Variants in ITGA5 observed in about 807,000 individuals in gnomAD.
ITGA5 encodes integrin alpha-5.
A neutral mutation model predicts 146.3 loss-of-function variants in ITGA5; 55 were observed. That is an observed-to-expected ratio of 0.38 (90% confidence interval 0.30 to 0.47). The LOEUF is 0.47. ITGA5 is among the 20% of genes least tolerant of loss of function. The pLI, the probability that ITGA5 is intolerant of heterozygous loss-of-function variation, is 0.99. For missense variants in ITGA5, 1,131 were observed against 1,329.0 expected, an observed-to-expected ratio of 0.85 and a Z score of 2.32; for synonymous variants, 500 against 531.8, an observed-to-expected ratio of 0.94 and a Z score of 0.82.
Position 54,408,741 on chromosome 12 carries a change from A to C in ITGA5, c.691+15T>G, listed in dbSNP as rs373735659. The C allele has an allele frequency of 5.0e-5, 77 of 1,546,564 alleles. 1 individual carries two copies. The highest frequency in any genetic ancestry group is 1.6e-5 in the Non-Finnish European group (18 of 1,122,538). On this transcript the variant is annotated intron_variant, in intron 6 of 29. Transcript: ENST00000293379. ...AAAAAAAAAAAAAAAAAAGAATGGC[A>C]GAGACAGGACTTACCTTGCCAGAAA...
intron 19 of ITGA5, 116 bp downstream of exon 19, chr12:54,402,867 A>G: frequency 1.3e-6 from 1 of 759,102 alleles, no homozygotes. Context: ...CAAAGGAGTT[A>G]AAGCTCAGAG....
intron 28 of ITGA5, 121 bp downstream of exon 28, chr12:54,398,476 C>A: frequency 1.5e-6 from 1 of 680,576 alleles, no homozygotes; most frequent in Non-Finnish European, 2.5e-6. Flanking sequence ...CAGTGCTTGG[C>A]ACATAGTACA....
chr12:54,403,291 T>C lies in ITGA5; in HGVS notation c.1810A>G (p.Ile604Val). 1.3e-6 allele frequency: 2 copies of C among 1,545,076 alleles called. No homozygotes were observed. The highest frequency in any genetic ancestry group is 8.7e-7 in the Non-Finnish European group (1 of 1,148,482). The stretch of plus-strand genomic sequence containing the variant: ...AAGGAGAAGTTGAGAGCGATGTGAA[T>C]CGGCGAGAGTTTGTCTCGAAATTCT... The part of the protein sequence containing the change: ...ESEFRDKLSP[I>V]HIALNFSLDP... Residue 604 changes from isoleucine to valine, a missense_variant, in exon 18 of 30, where the codon ATT becomes GTT. Around this residue, in one of 3 missense-constraint regions of ITGA5, gnomAD observed 889 missense variants for 1,021.5 expected, o/e 0.87. Transcript: ENST00000293379. This position sits in a 1 kb window ranked among gnomAD's most constrained non-coding sequence, Gnocchi z 4.9.
chr12:54,418,423 G>T (rs1290861920), intron 1 of ITGA5, among the ~76,000 whole-genome samples: 2 of 152,048 alleles, frequency 1.3e-5, no homozygotes, highest in East Asian at 1.9e-4. Flanking sequence ...TCCCCGGTCT[G>T]AGTTGAGGGG....
chr12:54,404,245 C>T lies in ITGA5; in HGVS notation c.1465G>A (p.Gly489Ser), dbSNP rs1363778532. 2.5e-6 allele frequency: 4 copies of T among 1,599,316 alleles called. No homozygotes were observed. Among genetic ancestry groups the T allele is most frequent in the Non-Finnish European group, 2.6e-6 (3 of 1,172,874 alleles). The change falls in exon 15 of 30, where the codon GGC (glycine) becomes AGC (serine). Residue 489 changes from glycine (G) to serine (S), a missense_variant and splice_region_variant. Physicochemically the swap from Gly to Ser is moderately conservative, Grantham distance 56 (BLOSUM62 0). Coordinates refer to ENST00000293379, the MANE Select transcript of ITGA5 (RefSeq NM_002205.5). ...GCACTAGCGGACACGATGGGGCGGCCCCTGCCAAGAGTGAATGTGGGGTCA... is the reference window on the plus strand; with the variant it reads ...GCACTAGCGGACACGATGGGGCGGCTCCTGCCAAGAGTGAATGTGGGGTCA... ...FGVDKAVVYR[G>S]RPIVSASASL...
At chr12:54,404,947 A>G in intron 12 of ITGA5, 53 bp from the exon 13 acceptor site, 2 of 1,414,880 alleles carry the variant, frequency 1.4e-6, no homozygotes, top group South Asian at 2.8e-5. Context: ...CATGGGCTCT[A>G]ATCTCTACTA....
rs115996636 is a variant in ITGA5 at position 54,401,143 on chromosome 12, C to T, written c.2494-148G>A. The T allele has an allele frequency of 7.3e-4, 650 of 895,716 alleles. 3 individuals are homozygous for T. The African/African-American group carries it at 0.01, about 14-fold the overall frequency. 55.5% of individuals were successfully genotyped at this position (895,716 alleles called of 1,614,324 possible). A position where few individuals can be genotyped will look rare whatever the true frequency, so the allele number is the denominator to read the frequency against. ...GGAAGCAATGGGCAGAGGTGAAATCCTCTCTAGCCAACACTTTTGGAGGGG... is the reference window on the plus strand; with the variant it reads ...GGAAGCAATGGGCAGAGGTGAAATCTTCTCTAGCCAACACTTTTGGAGGGG... On this transcript the variant is annotated intron_variant, in intron 24 of 29. Transcript: ENST00000293379. This position sits in a 1 kb window ranked among gnomAD's most constrained non-coding sequence, Gnocchi z 5.0.
At position 54,399,233 on chromosome 12, in the gene ITGA5, C is replaced by T. The variant is rs1028293769; in HGVS notation, c.2841+412G>A. 2.6e-5 allele frequency among the ~76,000 whole-genome samples: 4 copies of T among 152,130 alleles called. No individual in the cohort carries two copies. In the South Asian group the frequency reaches 6.2e-4, roughly 24 times the overall value. On this transcript the variant is annotated intron_variant, in intron 27 of 29. Coordinates refer to ENST00000293379, the MANE Select transcript of ITGA5 (RefSeq NM_002205.5). ...TTGATAATATATAATTAGATGACTACGTGTTCAATAAAAATTTTTTTAAAA... is the reference window on the plus strand; with the variant it reads ...TTGATAATATATAATTAGATGACTATGTGTTCAATAAAAATTTTTTTAAAA...
chr12:54,400,948 G>C lies in ITGA5; in HGVS notation c.2541C>G (p.Leu847=). 1 of 1,614,014 alleles carries C rather than the reference G, an allele frequency of 6.2e-7. No homozygotes were observed. Among genetic ancestry groups the C allele is most frequent in the Non-Finnish European group, 8.5e-7 (1 of 1,179,952 alleles). The change falls in exon 25 of 30, where the codon CTC becomes CTG. Residue 847 remains leucine, a synonymous_variant. Transcript: ENST00000293379. Reference sequence around the variant, plus strand: ...GACCTTCCAGAGCCTGGGGACAGCTGAGTTCCAGCACACCCTGGCTAATGG... The same window carrying C: ...GACCTTCCAGAGCCTGGGGACAGCTCAGTTCCAGCACACCCTGGCTAATGG... ...PSSISQGVLE[L]SCPQALEGQQ... is the part of the protein sequence containing the mutation.
At chr12:54,398,541 G>A (rs571123027) in intron 28 of ITGA5, 56 bp downstream of exon 28, 3 of 1,302,360 alleles carry the variant, frequency 2.3e-6, no homozygotes, top group African/African-American at 1.5e-5. Flanking sequence ...TCCCAGCCCT[G>A]TTCCAGCACT....
intron 19 of ITGA5, 74 bp from the exon 20 acceptor site, chr12:54,402,404 T>G: frequency 7.1e-7 from 1 of 1,412,460 alleles, no homozygotes; most frequent in Non-Finnish European, 9.7e-7. Flanking sequence ...ATTATAAGAG[T>G]AGTAATACGA....
At position 54,401,537 on chromosome 12, in the gene ITGA5, G is replaced by A. The variant is rs1165601655; in HGVS notation, c.2387+48C>T. On this transcript the variant is annotated intron_variant, in intron 23 of 29. Coordinates refer to ENST00000293379, the MANE Select transcript of ITGA5 (RefSeq NM_002205.5). This position sits in a 1 kb window ranked among gnomAD's most constrained non-coding sequence, Gnocchi z 5.0. Reference sequence around the variant, plus strand: ...GGAACCCCATATGCATCCTTCCCTAGAAGTCTGTGTCCCCTCTCAGAAAGA... The same window carrying A: ...GGAACCCCATATGCATCCTTCCCTAAAAGTCTGTGTCCCCTCTCAGAAAGA... 6.2e-7 allele frequency: 1 copy of A among 1,607,386 alleles called. No individual in the cohort carries two copies. The highest frequency in any genetic ancestry group is 8.5e-7 in the Non-Finnish European group (1 of 1,174,214).
In ITGA5 at chr12:54,396,389, A is replaced by C; in HGVS notation, c.3067-13T>G. 6.2e-7 allele frequency: 1 copy of C among 1,604,180 alleles called. No homozygotes were observed. Among genetic ancestry groups the C allele is most frequent in the Non-Finnish European group, 8.5e-7 (1 of 1,171,090 alleles). On this transcript the variant is annotated splice_polypyrimidine_tract_variant and intron_variant, in intron 29 of 29. Coordinates refer to ENST00000293379, the MANE Select transcript of ITGA5 (RefSeq NM_002205.5). ...TGAAGAATCCAAGCTGATAAAGGGG[A>C]AAAGAGGGAGAGTTTAGGTACTATG...
At position 54,404,789 on chromosome 12, in the gene ITGA5, T is replaced by G. The variant is rs531610716; in HGVS notation, c.1331A>C (p.Gln444Pro). 10 of 1,613,986 alleles carry G rather than the reference T, an allele frequency of 6.2e-6. No homozygotes were observed. Among genetic ancestry groups the G allele is most frequent in the South Asian group, 4.4e-5 (4 of 91,080 alleles). ...GGTGTGGCTGGCTGCCCACAGGGGC[T>G]GCAGAACCTGGGAAGGCTTAGAGCC... The part of the protein sequence containing the change: ...GLGSKPSQVL[Q>P]PLWAASHTPD... Residue 444 changes from glutamine to proline, a missense_variant, in exon 13 of 30, where the codon CAG becomes CCG. By Grantham distance (76) the Gln-to-Pro change is moderately conservative. This residue lies in a region of ITGA5 where 889 missense variants were observed against 1,021.5 expected (regional missense o/e 0.87). Transcript: ENST00000293379.
At position 54,402,054 on chromosome 12, in the gene ITGA5, G is replaced by T. The variant is rs551709163; in HGVS notation, c.2173C>A (p.Gln725Lys). The T allele has an allele frequency of 3.1e-6, 5 of 1,614,194 alleles. No individual in the cohort carries two copies. The African/African-American group carries it at 6.7e-5, about 22-fold the overall frequency. The change falls in exon 21 of 30, where the codon CAG (glutamine) becomes AAG (lysine). Residue 725 changes from glutamine (Q) to lysine (K), a missense_variant. Transcript: ENST00000293379. ...SLSCDYFAVN[Q>K]SRLLVCDLGN... is the part of the protein sequence containing the mutation. ...AGGTCACACACCAGCAGGCGGCTCT[G>T]GTTCACGGCAAAGTAGTCACAGCTC...
In ITGA5 at chr12:54,397,332, G is replaced by A. The variant is rs367669535; in HGVS notation, c.3066+33C>T. The A allele has an allele frequency of 6.2e-6, 10 of 1,612,752 alleles. No individual in the cohort carries two copies. The Admixed American group carries it at 8.3e-5, about 13-fold the overall frequency. On this transcript the variant is annotated intron_variant, in intron 29 of 29. Coordinates refer to ENST00000293379, the MANE Select transcript of ITGA5 (RefSeq NM_002205.5). ...AGGTCAAGGGCAGAGCCTGATGAGA[G>A]GGTGGCCAAGTCACAAGCAGGATGT...
chr12:54,405,821 G>A, intron 10 of ITGA5, 49 bp downstream of exon 10: 2 of 1,601,588 alleles, frequency 1.2e-6, no homozygotes, highest in Non-Finnish European at 1.7e-6. Flanking sequence ...CAGGGCTGGG[G>A]CTTCGTTGAC....
Position 54,419,081 on chromosome 12 carries a change from C to A in ITGA5, c.118G>T (p.Gly40Trp). The A allele has an allele frequency of 6.3e-7, 1 of 1,586,800 alleles. No homozygotes were observed. The highest frequency in any genetic ancestry group is 1.1e-5 in the South Asian group (1 of 87,444). ...LLLLPPPPRV[G>W]GFNLDAEAPA... ...GCCTCCGCGTCTAAGTTGAAGCCCC[C>A]GACCCTGGGTGGCGGCGGCAGCAGC... is the stretch of plus-strand genomic sequence containing the variant. Residue 40 changes from glycine to tryptophan, a missense_variant, in exon 1 of 30, where the codon GGG becomes TGG. This residue lies in a region of ITGA5 where 175 missense variants were observed against 179.3 expected (regional missense o/e 0.98). Transcript: ENST00000293379.
intron 1 of ITGA5, among the ~76,000 whole-genome samples, chr12:54,415,113 A>G (rs1028170951): frequency 1.3e-5 from 2 of 152,220 alleles, no homozygotes; most frequent in African/African-American, 2.4e-5. Context: ...GCGCCATTGC[A>G]TCCCAGACTG....
Sources: allele counts gnomAD v4.1 joint callset (sites outside exome capture counted in the v4.1 genomes callset), GRCh38; gene constraint gnomAD v4.1.1; regional missense constraint gnomAD v4.1.1; non-coding constraint Gnocchi (gnomAD v3.1); transcripts MANE v1.5; gene names NCBI Gene and HGNC (gene_info 2026-07-23, HGNC 2026-07-21).